Variants in RAB5C observed in about 807,000 individuals in gnomAD.
The protein encoded by RAB5C is ras-related protein Rab-5C.
Under a neutral mutation model 25.2 loss-of-function variants are expected in RAB5C, and 4 were observed. That is an observed-to-expected ratio of 0.16 (90% CI 0.08 to 0.36). The LOEUF (loss-of-function observed/expected upper bound fraction) is 0.36, where lower values mean the gene tolerates loss of function less well. Ranked by LOEUF, RAB5C falls within the 10% of genes least tolerant of loss-of-function variation. RAB5C has a pLI of 1.00. For synonymous variants in RAB5C, 100 were observed against 106.4 expected, an observed-to-expected ratio of 0.94 and a Z score of 0.37; for missense variants, 199 against 283.8, an observed-to-expected ratio of 0.70 and a Z score of 2.15.
At chr17:42,144,926 A>C (rs2079623847) in intron 1 of RAB5C, among the ~76,000 whole-genome samples, 1 of 5,502 alleles carries the variant, frequency 1.8e-4, no homozygotes, top group Non-Finnish European at 3.6e-4. Context: ...ACTCCGTCTC[A>C]AAAAAAAAAA....
chr17:42,154,942 C>T lies in RAB5C; in HGVS notation c.-138G>A, dbSNP rs1008592095. The T allele has an allele frequency of 6.6e-6, 1 of 152,328 alleles. No individual in the cohort carries two copies. The highest frequency in any genetic ancestry group is 1.9e-4 in the East Asian group (1 of 5,226). 9.4% of individuals were successfully genotyped at this position (152,328 alleles called of 1,614,324 possible). A position where few individuals can be genotyped will look rare whatever the true frequency, so the allele number is the denominator to read the frequency against. On this transcript the variant is annotated 5_prime_UTR_variant, in exon 1 of 6. Transcript: ENST00000346213. ...CTTGGGGCCGGGGCTCGGACGGGATCCGCTTCTCTCCCCGCCGGCGGTGTC... is the reference window on the plus strand; with the variant it reads ...CTTGGGGCCGGGGCTCGGACGGGATTCGCTTCTCTCCCCGCCGGCGGTGTC...
chr17:42,130,016 A>G (rs2054468590), intron 2 of RAB5C: 1 of 258,874 alleles, frequency 3.9e-6, no homozygotes, highest in Non-Finnish European at 7.3e-6. Flanking sequence ...AGGGGCCTCA[A>G]AGATCCAGAG....
intron 1 of RAB5C, among the ~76,000 whole-genome samples, chr17:42,147,540 A>T (rs1210164693): frequency 6.6e-6 from 1 of 152,218 alleles, no homozygotes; most frequent in Admixed American, 6.5e-5. Context: ...CCGCGCCCTC[A>T]TTGTCCCATT....
chr17:42,131,259 T>C (rs571983175), intron 1 of RAB5C, among the ~76,000 whole-genome samples: 64 of 152,192 alleles, frequency 4.2e-4, no homozygotes, highest in Non-Finnish European at 2.9e-4. Flanking sequence ...ATCAAAGCAA[T>C]GTTTCACTCT....
chr17:42,140,515 ATTTTTTTT>A lies in RAB5C; in HGVS notation c.-88-9933_-88-9926del, dbSNP rs10553272. ...TATATATATATATATATATATATAT[ATTTTTTTT>A]TTTTTTTTTTTTTTTTTTGAGATGG... On this transcript the variant is annotated intron_variant, in intron 1 of 5. Transcript: ENST00000346213. 1.3e-3 allele frequency among the ~76,000 whole-genome samples: 35 copies of A among 26,630 alleles called. 1 individual carries two copies. Among genetic ancestry groups the A allele is most frequent in the African/African-American group, 4.9e-3 (33 of 6,722 alleles). The allele number at this position is 26,630 out of a possible 152,430, so 17.5% of individuals were successfully genotyped here.
rs539306290 is a variant in RAB5C at position 42,152,430 on chromosome 17, C to T, written c.-89+2463G>A. Among the ~76,000 whole-genome samples the T allele has an allele frequency of 9.9e-5, 15 of 152,238 alleles. No individual in the cohort carries two copies. The South Asian group carries it at 2.5e-3, about 25-fold the overall frequency. ...CTAGGTGCCAGAAGTGGCTGCATAA[C>T]GACCCAAAGCACTGGGGCCTGCCTC... On this transcript the variant is annotated intron_variant, in intron 1 of 5. Coordinates refer to ENST00000346213, the MANE Select transcript of RAB5C (RefSeq NM_004583.4).
rs904526967 is a variant in RAB5C at position 42,128,837 on chromosome 17, G to C, written c.167-37C>G. 11 of 1,424,892 alleles carry C rather than the reference G, an allele frequency of 7.7e-6. No individual in the cohort carries two copies. In the African/African-American group the frequency reaches 1.6e-4, roughly 21 times the overall value. 88.3% of individuals were successfully genotyped at this position (1,424,892 alleles called of 1,614,324 possible). ...AAGGAGCGTCCATGGGCAAGAGCGA[G>C]TTGGAATCCACCCCACACAATCCCA... is the stretch of plus-strand genomic sequence containing the variant. On this transcript the variant is annotated intron_variant, in intron 2 of 5. Transcript: ENST00000346213.
At chr17:42,148,517 G>A (rs754071340) in intron 1 of RAB5C, among the ~76,000 whole-genome samples, 1 of 151,850 alleles carries the variant, frequency 6.6e-6, no homozygotes, top group Admixed American at 6.6e-5. Context: ...CTACTATGCT[G>A]AGTGCCATGC....
chr17:42,147,070 GAA>G (rs748135734), intron 1 of RAB5C, among the ~76,000 whole-genome samples: 1 of 133,826 alleles, frequency 7.5e-6, no homozygotes, highest in Non-Finnish European at 1.6e-5. Context: ...AAGAAAGAAA[GAA>G]AAAGAAAGAA....
chr17:42,138,982 C>G (rs1344113073), intron 1 of RAB5C, among the ~76,000 whole-genome samples: 1 of 152,188 alleles, frequency 6.6e-6, no homozygotes, highest in Non-Finnish European at 1.5e-5. Flanking sequence ...AGGACTCTAC[C>G]CCAGCAGAAC....
At chr17:42,135,684 G>T (rs1032239517) in intron 1 of RAB5C, among the ~76,000 whole-genome samples, 4 of 152,184 alleles carry the variant, frequency 2.6e-5, no homozygotes, top group African/African-American at 9.7e-5. Flanking sequence ...CAAGACACTA[G>T]ATGCTGCTGC....
chr17:42,135,112 G>A (rs559284850), intron 1 of RAB5C, among the ~76,000 whole-genome samples: 1 of 151,628 alleles, frequency 6.6e-6, no homozygotes, highest in Non-Finnish European at 1.5e-5. Flanking sequence ...TCTAGGAGTA[G>A]CTGGAACTAT....
chr17:42,129,432 C>T lies in RAB5C; in HGVS notation c.167-632G>A, dbSNP rs575605633. Among the ~76,000 whole-genome samples, 10 of 152,316 alleles carry T rather than the reference C, an allele frequency of 6.6e-5. 1 individual carries two copies. In the South Asian group the frequency reaches 2.1e-3, roughly 32 times the overall value. ...CTGTATGGCCACCCTGTGACCTGAC[C>T]TTCAGTCACTAAGAGGTGACTCCTT... On this transcript the variant is annotated intron_variant, in intron 2 of 5. Transcript: ENST00000346213.
At chr17:42,131,582 C>A in intron 1 of RAB5C, 2 of 1,526,696 alleles carry the variant, frequency 1.3e-6, no homozygotes, top group Middle Eastern at 3.4e-4. Context: ...GCACAGCTAC[C>A]AACTTTCCCT....
intron 5 of RAB5C, 73 bp downstream of exon 5, chr17:42,126,682 C>A: frequency 2.4e-6 from 2 of 838,144 alleles, no homozygotes; most frequent in Non-Finnish European, 1.9e-6. Flanking sequence ...ACCCCGCAGG[C>A]CCACTCTAGA....
chr17:42,132,953 G>A (rs2054500970), intron 1 of RAB5C, among the ~76,000 whole-genome samples: 1 of 152,204 alleles, frequency 6.6e-6, no homozygotes, highest in African/African-American at 2.4e-5. Flanking sequence ...CCTCCCTGCT[G>A]TGGAAGAACA....
chr17:42,148,100 AAAAC>A (rs948453069), intron 1 of RAB5C, among the ~76,000 whole-genome samples: 36 of 151,768 alleles, frequency 2.4e-4, no homozygotes, highest in Admixed American at 2.0e-3. Context: ...CTCTGTCTCA[AAAAC>A]AAACAAAAAA....
chr17:42,145,494 G>A (rs1411234480), intron 1 of RAB5C, among the ~76,000 whole-genome samples: 1 of 152,136 alleles, frequency 6.6e-6, no homozygotes, highest in East Asian at 1.9e-4. Context: ...GTCTACTTAT[G>A]AAAAAAACAC....
intron 1 of RAB5C, among the ~76,000 whole-genome samples, chr17:42,134,886 A>G (rs1428163030): frequency 6.6e-6 from 1 of 152,214 alleles, no homozygotes; most frequent in Non-Finnish European, 1.5e-5. Flanking sequence ...AGAGAAAGAG[A>G]AAGAAAAATG....
Sources: allele counts gnomAD v4.1 joint callset (sites outside exome capture counted in the v4.1 genomes callset), GRCh38; gene constraint gnomAD v4.1.1; transcripts MANE v1.5; gene names NCBI Gene and HGNC (gene_info 2026-07-23, HGNC 2026-07-21).